Variants in EXOC6B observed in about 807,000 individuals in gnomAD.
EXOC6B encodes SEC15 homolog B.
EXOC6B carries 54 observed loss-of-function variants against 113.5 expected under a neutral mutation model. The ratio of observed to expected loss-of-function variants is 0.48; its 90% CI spans 0.38 to 0.60. EXOC6B has a LOEUF of 0.60. EXOC6B is among the 20% of genes least tolerant of loss of function. The pLI is 0.00. For synonymous variants in EXOC6B, 357 were observed against 339.0 expected (o/e 1.05, Z -0.58); for missense variants, 797 against 977.5 (o/e 0.82, Z 2.46).
At chr2:72,526,471 T>G (rs1483649103) in intron 8 of EXOC6B, among the ~76,000 whole-genome samples, 2 of 152,028 alleles carry the variant, frequency 1.3e-5, no homozygotes, top group African/African-American at 4.8e-5. Context: ...TAAATGTATG[T>G]AATGGATATT....
chr2:72,785,565 C>T (rs555036265), intron 1 of EXOC6B, among the ~76,000 whole-genome samples: 1 of 152,268 alleles, frequency 6.6e-6, no homozygotes, highest in Non-Finnish European at 1.5e-5. Flanking sequence ...CTCAACACCA[C>T]ATGGAAGCTG....
intron 2 of EXOC6B, among the ~76,000 whole-genome samples, chr2:72,740,808 A>C (rs1318153781): frequency 6.6e-6 from 1 of 152,176 alleles, no homozygotes; most frequent in East Asian, 1.9e-4. Flanking sequence ...TATAACTTTA[A>C]AAGGGTAATC....
intron 8 of EXOC6B, among the ~76,000 whole-genome samples, chr2:72,544,664 A>T (rs1378976622): frequency 1.3e-5 from 2 of 152,160 alleles, no homozygotes; most frequent in Admixed American, 6.5e-5. Context: ...CATTTGAAAG[A>T]GAGGGTGCCC....
rs145271833 is a variant in EXOC6B at position 72,475,629 on chromosome 2, GCA to G, written c.1800+4985_1800+4986del. ...TCAAGCCCTCTGATAATGAGTATAG[GCA>G]CCAGATGCAGTAGTTAGGGGTGAGG... On this transcript the variant is annotated intron_variant, in intron 17 of 21. Coordinates refer to ENST00000272427, the MANE Select transcript of EXOC6B (RefSeq NM_015189.3). 2.8e-3 allele frequency among the ~76,000 whole-genome samples: 423 copies of G among 152,152 alleles called. 2 individuals are homozygous for G. Among genetic ancestry groups the G allele is most frequent in the African/African-American group, 9.9e-3 (411 of 41,474 alleles).
intron 8 of EXOC6B, among the ~76,000 whole-genome samples, chr2:72,537,038 T>C (rs1235264591): frequency 6.6e-6 from 1 of 152,230 alleles, no homozygotes; most frequent in Non-Finnish European, 1.5e-5. Context: ...TCTTAGAAGT[T>C]TCTTCATGGA....
chr2:72,289,347 A>C (rs1303124998), intron 20 of EXOC6B, among the ~76,000 whole-genome samples: 1 of 152,176 alleles, frequency 6.6e-6, no homozygotes, highest in South Asian at 2.1e-4. Flanking sequence ...TTCTATAATA[A>C]AATGTTTACT....
intron 20 of EXOC6B, among the ~76,000 whole-genome samples, chr2:72,282,844 T>A (rs1419257030): frequency 5.3e-5 from 8 of 152,248 alleles, no homozygotes; most frequent in South Asian, 2.1e-4. Context: ...AAAGAGTTGA[T>A]CTGCCCAGAA....
At chr2:72,236,674 T>G (rs1209338515) in intron 20 of EXOC6B, among the ~76,000 whole-genome samples, 1 of 152,186 alleles carries the variant, frequency 6.6e-6, no homozygotes, top group Admixed American at 6.5e-5. Flanking sequence ...TTTTTGTGAC[T>G]CAGCAGAAGA....
chr2:72,438,030 G>A (rs1396791871), intron 18 of EXOC6B, among the ~76,000 whole-genome samples: 1 of 152,016 alleles, frequency 6.6e-6, no homozygotes, highest in African/African-American at 2.4e-5. Context: ...TCACCATGTG[G>A]TTAGATCATT....
At chr2:72,728,779 G>A (rs1372069316) in intron 5 of EXOC6B, among the ~76,000 whole-genome samples, 1 of 152,102 alleles carries the variant, frequency 6.6e-6, no homozygotes, top group African/African-American at 2.4e-5. Flanking sequence ...TATACACAGG[G>A]AACCCAGGAA....
chr2:72,606,357 T>C (rs971703901), intron 6 of EXOC6B, among the ~76,000 whole-genome samples: 7 of 152,022 alleles, frequency 4.6e-5, no homozygotes, highest in African/African-American at 1.7e-4. Context: ...CACACACACA[T>C]ACAATATTAA....
chr2:72,315,998 G>T (rs925407156), intron 20 of EXOC6B, among the ~76,000 whole-genome samples: 1 of 152,136 alleles, frequency 6.6e-6, no homozygotes, highest in Non-Finnish European at 1.5e-5. Context: ...TACTTTAGAA[G>T]TCACTCCTAG....
chr2:72,401,719 C>T (rs527614694), intron 18 of EXOC6B, among the ~76,000 whole-genome samples: 1 of 126,106 alleles, frequency 7.9e-6, no homozygotes, highest in African/African-American at 2.8e-5. Flanking sequence ...TTTCCAGCAA[C>T]ATGGATGGAA....
chr2:72,482,840 T>C (rs980054512), intron 16 of EXOC6B, among the ~76,000 whole-genome samples: 6 of 152,068 alleles, frequency 3.9e-5, no homozygotes, highest in African/African-American at 1.4e-4. Flanking sequence ...CCTGACAATC[T>C]TAGGAAGATA....
chr2:72,207,569 T>TA (rs2104367466), intron 20 of EXOC6B, among the ~76,000 whole-genome samples: 1 of 152,326 alleles, frequency 6.6e-6, no homozygotes, highest in East Asian at 1.9e-4. Context: ...TAATTGATGA[T>TA]AAGGATGATA....
chr2:72,819,544 T>C (rs1023178446), intron 1 of EXOC6B, among the ~76,000 whole-genome samples: 2 of 152,106 alleles, frequency 1.3e-5, no homozygotes, highest in African/African-American at 4.8e-5. Flanking sequence ...CCAGGATTGA[T>C]TATTGATAAG....
chr2:72,687,342 GC>G (rs1479180825), intron 6 of EXOC6B, among the ~76,000 whole-genome samples: 4 of 152,124 alleles, frequency 2.6e-5, no homozygotes, highest in Non-Finnish European at 4.4e-5. Context: ...TGGCTGCACA[GC>G]CGTATTTTAT....
At chr2:72,277,843 C>A (rs1006623644) in intron 20 of EXOC6B, among the ~76,000 whole-genome samples, 5 of 117,928 alleles carry the variant, frequency 4.2e-5, no homozygotes, top group African/African-American at 2.4e-4. Flanking sequence ...ATTAATTATA[C>A]CCCATTTTTT....
intron 8 of EXOC6B, among the ~76,000 whole-genome samples, chr2:72,552,838 T>C (rs1422675898): frequency 6.6e-6 from 1 of 151,936 alleles, no homozygotes; most frequent in Non-Finnish European, 1.5e-5. Context: ...TTATGTTTTC[T>C]TAAAAGATTA....
Sources: gnomAD v4.1 joint callset for allele counts (sites outside exome capture counted in the v4.1 genomes callset) on GRCh38, gnomAD v4.1.1 for gene constraint, MANE v1.5 for transcripts, NCBI Gene and HGNC (gene_info 2026-07-23, HGNC 2026-07-21) for gene names.